ZNF717: variants seen among roughly 807,000 people sequenced by gnomAD.
The protein encoded by ZNF717 is zinc finger protein 717.
Under a neutral mutation model 13.8 loss-of-function variants are expected in ZNF717, and 9 were observed. The observed-to-expected ratio is 0.65, with a 90% confidence interval of 0.39 to 1.14. ZNF717 has a LOEUF of 1.14. ZNF717 is among the 50% of genes most tolerant of loss of function. The probability of loss-of-function intolerance (pLI) is 0.01; values close to 1 mark genes in which losing one functional copy is unlikely to be tolerated. For missense variants in ZNF717, 1,040 were observed against 1,080.7 expected (o/e 0.96, Z 0.53); for synonymous variants, 327 against 364.1 (o/e 0.90, Z 1.16).
At chr3:75,759,834 G>C (rs80330911) in intron 2 of ZNF717, among the ~76,000 whole-genome samples, 4,809 of 98,674 alleles carry the variant, frequency 0.049, no homozygotes, top group Non-Finnish European at 0.079. Context: ...CTCCCAAAGT[G>C]CTGGGATTAC....
chr3:75,705,476 G>GTTTT (rs1937786379), downstream of ZNF717, among the ~76,000 whole-genome samples: 1 of 152,300 alleles, frequency 6.6e-6, no homozygotes, highest in Non-Finnish European at 1.5e-5. Flanking sequence ...CTTGGCTGGG[G>GTTTT]CTGAACTCCC....
chr3:75,734,663 C>T (rs1276547399), downstream of ZNF717, among the ~76,000 whole-genome samples: 10 of 151,434 alleles, frequency 6.6e-5, no homozygotes, highest in African/African-American at 2.4e-4. Flanking sequence ...TCTCAATCTC[C>T]TGACCTCATG....
intron 2 of ZNF717, among the ~76,000 whole-genome samples, chr3:75,761,565 AT>A (rs1943019541): frequency 1.3e-5 from 2 of 152,284 alleles, no homozygotes; most frequent in South Asian, 4.1e-4. Context: ...AAGCATGCAA[AT>A]TGGAAAGGGA....
At chr3:75,697,039 A>G (rs1937611299) in intron 6 of ZNF717, among the ~76,000 whole-genome samples, 1 of 152,292 alleles carries the variant, frequency 6.6e-6, no homozygotes, top group South Asian at 2.1e-4. Context: ...TCAACATAAT[A>G]AAAGTCATAT....
chr3:75,727,401 T>C (rs1938307230), downstream of ZNF717, among the ~76,000 whole-genome samples: 1 of 152,222 alleles, frequency 6.6e-6, no homozygotes, highest in Non-Finnish European at 1.5e-5. Context: ...AGCCATGTTT[T>C]TCTTCTTGCA....
intron 4 of ZNF717, among the ~76,000 whole-genome samples, chr3:75,723,416 C>G (rs1325356127): frequency 6.6e-6 from 1 of 151,894 alleles, no homozygotes; most frequent in Admixed American, 6.6e-5. Flanking sequence ...GGTGCCAACG[C>G]AAGAGACTGA....
chr3:75,774,568 C>G (rs1220608362), intron 2 of ZNF717, among the ~76,000 whole-genome samples: 1 of 146,934 alleles, frequency 6.8e-6, no homozygotes, highest in Non-Finnish European at 1.5e-5. Flanking sequence ...TGTATGTCAT[C>G]AATCCATTCT....
intron 2 of ZNF717, among the ~76,000 whole-genome samples, chr3:75,762,085 GAAAGAAAAGAAA>G (rs1346389624): frequency 1.4e-5 from 2 of 145,822 alleles, no homozygotes; most frequent in Non-Finnish European, 3.0e-5. Context: ...GAAAGAGAGA[GAAAGAAAAGAAA>G]AAAAGAAAAG....
intron 4 of ZNF717, among the ~76,000 whole-genome samples, chr3:75,740,749 T>G (rs1347445775): frequency 1.3e-5 from 2 of 150,716 alleles, no homozygotes; most frequent in African/African-American, 2.4e-5. Context: ...GAGGAACACT[T>G]GAGCCCAGGA....
Position 75,762,809 on chromosome 3 carries a change from C to CA in ZNF717, c.57+20496dup, listed in dbSNP as rs562881022. The stretch of plus-strand genomic sequence containing the variant: ...AAACAATTACAAAACTGCAATAAGC[C>CA]AAAAAAAAAATGTAGTCATGACATA... On this transcript the variant is annotated intron_variant, in intron 2 of 4. Coordinates refer to ENST00000652011, the MANE Select transcript of ZNF717 (RefSeq NM_001290208.3). 6.6e-3 allele frequency among the ~76,000 whole-genome samples: 967 copies of CA among 147,212 alleles called. 8 individuals carry two copies. The highest frequency in any genetic ancestry group is 0.021 in the African/African-American group (847 of 40,162).
chr3:75,721,352 G>A (rs1302922146), intron 4 of ZNF717, among the ~76,000 whole-genome samples: 272 of 152,326 alleles, frequency 1.8e-3, no homozygotes, highest in African/African-American at 5.9e-3. Flanking sequence ...CACGATCTCA[G>A]CTCACTCCAA....
chr3:75,712,064 T>A (rs1017780020), intron 5 of ZNF717, among the ~76,000 whole-genome samples: 3 of 152,246 alleles, frequency 2.0e-5, no homozygotes, highest in African/African-American at 7.2e-5. Context: ...TATTTCACCA[T>A]CAGGACATAA....
exon 6 of ZNF717, chr3:75,711,298 A>G (rs954468743): frequency 7.9e-5 from 12 of 152,270 alleles, no homozygotes; most frequent in Non-Finnish European, 1.8e-4. Flanking sequence ...GTAGCTTACG[A>G]GATAAAGTTT....
chr3:75,720,380 C>G (rs150739177), intron 4 of ZNF717, among the ~76,000 whole-genome samples: 1 of 151,820 alleles, frequency 6.6e-6, no homozygotes, highest in Non-Finnish European at 1.5e-5. Context: ...CAACTTAATG[C>G]AGAAACAGAA....
downstream of ZNF717, among the ~76,000 whole-genome samples, chr3:75,728,347 G>A (rs59211804): frequency 0.37 from 55,335 of 149,424 alleles, 8,061 homozygotes; most frequent in Non-Finnish European, 0.41. Context: ...GCACACCAAG[G>A]AGACAGGTCT....
chr3:75,784,024 A>T (rs1944997887), intron 1 of ZNF717, among the ~76,000 whole-genome samples: 1 of 152,022 alleles, frequency 6.6e-6, no homozygotes. Context: ...GGAAAATGTG[A>T]TGCAAATATC....
chr3:75,712,768 C>A (rs201893317), intron 5 of ZNF717, among the ~76,000 whole-genome samples: 3 of 148,396 alleles, frequency 2.0e-5, no homozygotes, highest in African/African-American at 2.5e-5. Flanking sequence ...CTTACTGGTT[C>A]TTCTTTAACA....
downstream of ZNF717, among the ~76,000 whole-genome samples, chr3:75,734,772 G>A (rs1195621483): frequency 7.4e-6 from 1 of 135,602 alleles, no homozygotes; most frequent in Admixed American, 7.6e-5. Flanking sequence ...ATAACAGTTT[G>A]TATATAATAA....
Position 75,772,032 on chromosome 3 carries a change from G to A in ZNF717, c.57+11274C>T, listed in dbSNP as rs190210775. On this transcript the variant is annotated intron_variant, in intron 2 of 4. Coordinates refer to ENST00000652011, the MANE Select transcript of ZNF717 (RefSeq NM_001290208.3). Reference sequence around the variant, plus strand: ...CCCCCTCCAGACTTTGGGCACTGACGAGCACAGGAGGGAGGTTGAGGTGGG... The same window carrying A: ...CCCCCTCCAGACTTTGGGCACTGACAAGCACAGGAGGGAGGTTGAGGTGGG... 4.4e-4 allele frequency among the ~76,000 whole-genome samples: 67 copies of A among 152,352 alleles called. No homozygotes were observed. The South Asian group carries it at 0.013, about 30-fold the overall frequency.
Sources: gnomAD v4.1 joint callset for allele counts (sites outside exome capture counted in the v4.1 genomes callset) on GRCh38, gnomAD v4.1.1 for gene constraint, MANE v1.5 for transcripts, NCBI Gene and HGNC (gene_info 2026-07-23, HGNC 2026-07-21) for gene names.